The following NYAP2 variants were observed in gnomAD, a reference collection of about 807,000 sequenced individuals.
NYAP2 encodes the protein neuronal tyrosine-phosphorylated phosphoinositide-3-kinase adapter 2.
NYAP2 carries 23 observed loss-of-function variants against 50.4 expected under a neutral mutation model. The observed-to-expected ratio is 0.46, with a 90% CI of 0.33 to 0.65. The LOEUF (loss-of-function observed/expected upper bound fraction) is 0.65, where lower values mean the gene tolerates loss of function less well. NYAP2 is among the 30% of genes least tolerant of loss of function. The pLI is 0.02. For synonymous variants in NYAP2, 394 were observed against 365.2 expected (o/e 1.08, Z -0.90); for missense variants, 885 against 861.0 (o/e 1.03, Z -0.35).
chr2:225,523,359 G>T (rs1691099244), intron 4 of NYAP2, among the ~76,000 whole-genome samples: 1 of 150,674 alleles, frequency 6.6e-6, no homozygotes. Flanking sequence ...CCCTATATTT[G>T]ATAAATGAAT....
chr2:225,408,898 G>T (rs1308593047), exon 3 of NYAP2: 6 of 1,608,622 alleles, frequency 3.7e-6, no homozygotes, highest in Non-Finnish European at 5.1e-6. Flanking sequence ...CCTCCAAGAT[G>T]ATGAGTTCTA....
the NYAP2 span, among the ~76,000 whole-genome samples, chr2:225,665,154 C>T: frequency 6.6e-6 from 1 of 152,104 alleles, no homozygotes; most frequent in African/African-American, 2.4e-5. Flanking sequence ...TTTAGATTTT[C>T]TCTTTACAAA....
At chr2:225,412,484 T>A (rs1003995953) in intron 3 of NYAP2, among the ~76,000 whole-genome samples, 1 of 151,752 alleles carries the variant, frequency 6.6e-6, no homozygotes, top group Non-Finnish European at 1.5e-5. Context: ...AGAGGACATA[T>A]GCCACATTAT....
intron 6 of NYAP2, among the ~76,000 whole-genome samples, chr2:225,630,222 T>C (rs1693282902): frequency 6.6e-6 from 1 of 152,192 alleles, no homozygotes; most frequent in African/African-American, 2.4e-5. Flanking sequence ...TGTTATTAAT[T>C]AGAAAGCCTT....
chr2:225,524,424 G>A (rs970021528), intron 4 of NYAP2, among the ~76,000 whole-genome samples: 5 of 152,146 alleles, frequency 3.3e-5, no homozygotes, highest in African/African-American at 9.7e-5. Context: ...TATCAAGATT[G>A]AGGGTGAGTC....
chr2:225,474,336 A>G (rs560995786), intron 3 of NYAP2, among the ~76,000 whole-genome samples: 1 of 152,126 alleles, frequency 6.6e-6, no homozygotes, highest in African/African-American at 2.4e-5. Flanking sequence ...GTTTTTTCCA[A>G]TTCTGTGAAG....
intron 6 of NYAP2, among the ~76,000 whole-genome samples, chr2:225,630,320 C>T (rs989591196): frequency 1.3e-5 from 2 of 152,162 alleles, no homozygotes; most frequent in Non-Finnish European, 2.9e-5. Context: ...TAGGCAGTTC[C>T]AGGTGTTTTG....
intron 3 of NYAP2, among the ~76,000 whole-genome samples, chr2:225,415,576 C>T (rs528217516): frequency 7.5e-4 from 114 of 152,256 alleles, no homozygotes; most frequent in Middle Eastern, 6.8e-3. Flanking sequence ...ATAGCATCTA[C>T]TGAAGTGCAT....
chr2:225,471,524 T>G (rs1427373694), intron 3 of NYAP2, among the ~76,000 whole-genome samples: 1 of 152,210 alleles, frequency 6.6e-6, no homozygotes. Flanking sequence ...TAATTTGGGG[T>G]GGGTCACTAA....
chr2:225,472,944 G>A (rs936337253), intron 3 of NYAP2, among the ~76,000 whole-genome samples: 5 of 152,116 alleles, frequency 3.3e-5, no homozygotes, highest in Non-Finnish European at 7.4e-5. Context: ...ATCTCCTAAT[G>A]CTATCCTTCC....
chr2:225,481,434 A>T (rs943693569), intron 3 of NYAP2, among the ~76,000 whole-genome samples: 6 of 152,138 alleles, frequency 3.9e-5, no homozygotes, highest in Non-Finnish European at 7.4e-5. Context: ...TTACCTTTAC[A>T]TTTTTGTTCT....
chr2:225,630,926 C>A (rs572826244), intron 6 of NYAP2, among the ~76,000 whole-genome samples: 19 of 152,268 alleles, frequency 1.2e-4, no homozygotes, highest in African/African-American at 2.9e-4. Context: ...TGCTCTGGGA[C>A]ATCAAATTGA....
chr2:225,684,610 G>A, the NYAP2 span, among the ~76,000 whole-genome samples: 1 of 151,464 alleles, frequency 6.6e-6, no homozygotes, highest in Non-Finnish European at 1.5e-5. Flanking sequence ...GGAGTGCAGT[G>A]GCATGATCTC....
chr2:225,522,485 A>G (rs967511897), intron 4 of NYAP2, among the ~76,000 whole-genome samples: 1 of 152,184 alleles, frequency 6.6e-6, no homozygotes. Context: ...TGTGTGGTTG[A>G]GCCAGAACCA....
At chr2:225,599,076 C>G (rs1020635434) in intron 5 of NYAP2, among the ~76,000 whole-genome samples, 1 of 152,244 alleles carries the variant, frequency 6.6e-6, no homozygotes, top group Non-Finnish European at 1.5e-5. Flanking sequence ...CTCTCAGTCT[C>G]TTTCTCTTCC....
the NYAP2 span, among the ~76,000 whole-genome samples, chr2:225,688,252 A>G: frequency 1.3e-5 from 2 of 152,154 alleles, no homozygotes; most frequent in East Asian, 3.9e-4. Context: ...TATAAAGCCC[A>G]GGCAATATTT....
chr2:225,589,998 C>G (rs1371046174), intron 5 of NYAP2, among the ~76,000 whole-genome samples: 1 of 152,142 alleles, frequency 6.6e-6, no homozygotes, highest in Admixed American at 6.5e-5. Flanking sequence ...GATTCGGAAC[C>G]TCTTGTACTC....
At chr2:225,614,859 G>A (rs1184517028) in intron 5 of NYAP2, among the ~76,000 whole-genome samples, 2 of 152,176 alleles carry the variant, frequency 1.3e-5, no homozygotes, top group African/African-American at 2.4e-5. Context: ...CCTCAGCAGT[G>A]TACTGGAATA....
chr2:225,569,178 T>G (rs146879739), intron 4 of NYAP2, among the ~76,000 whole-genome samples: 3,147 of 152,322 alleles, frequency 0.021, 44 homozygotes, highest in Non-Finnish European at 0.034. Flanking sequence ...AGACAATGGC[T>G]GGTAAATGAT....
Sources: allele counts gnomAD v4.1 joint callset (sites outside exome capture counted in the v4.1 genomes callset), GRCh38; gene constraint gnomAD v4.1.1; transcripts MANE v1.5; gene names NCBI Gene and HGNC (gene_info 2026-07-23, HGNC 2026-07-21).